Variants in SPOCK1 observed in about 807,000 individuals in gnomAD.
SPOCK1 encodes the protein SPARC (osteonectin), cwcv and kazal like domains proteoglycan 1.
Under a neutral mutation model 55.3 loss-of-function variants are expected in SPOCK1, and 23 were observed. That is an observed-to-expected ratio of 0.42 (90% CI 0.30 to 0.59). SPOCK1 has a LOEUF of 0.59. Ranked by LOEUF, SPOCK1 falls within the 20% of genes least tolerant of loss-of-function variation. The pLI, the probability that SPOCK1 is intolerant of heterozygous loss-of-function variation, is 0.22. For missense variants in SPOCK1, 499 were observed against 552.5 expected (o/e 0.90, Z 0.97); for synonymous variants, 226 against 221.0 (o/e 1.02, Z -0.20).
At chr5:136,984,399 A>AAATAATT (rs1750800398) in intron 9 of SPOCK1, among the ~76,000 whole-genome samples, 1 of 152,108 alleles carries the variant, frequency 6.6e-6, no homozygotes, top group Admixed American at 6.5e-5. Context: ...ATTCTGTATT[A>AAATAATT]CTGTGTTGCA....
chr5:137,230,723 A>G (rs918927157), intron 3 of SPOCK1, among the ~76,000 whole-genome samples: 12 of 152,168 alleles, frequency 7.9e-5, no homozygotes, highest in African/African-American at 2.9e-4. Flanking sequence ...ATCACATCAC[A>G]TCATATCTTT....
Position 137,164,456 on chromosome 5 carries a change from A to G in SPOCK1, c.233-23762T>C, listed in dbSNP as rs139681372. 5.9e-5 allele frequency among the ~76,000 whole-genome samples: 9 copies of G among 152,304 alleles called. No homozygotes were observed. In the East Asian group the frequency reaches 1.7e-3, roughly 29 times the overall value. ...ACCAGCAGTGATAGCCAGGTAGCTC[A>G]CTATGGGCCTTAGGTGAGGCTCTAA... On this transcript the variant is annotated intron_variant, in intron 3 of 10. Coordinates refer to ENST00000394945, the MANE Select transcript of SPOCK1 (RefSeq NM_004598.4).
chr5:137,226,811 G>A (rs1484064970), intron 3 of SPOCK1, among the ~76,000 whole-genome samples: 1 of 152,158 alleles, frequency 6.6e-6, no homozygotes, highest in African/African-American at 2.4e-5. Flanking sequence ...CGTGTGCCCT[G>A]TAGTATCTTA....
At chr5:137,170,695 C>T (rs1015842298) in intron 3 of SPOCK1, among the ~76,000 whole-genome samples, 2 of 152,228 alleles carry the variant, frequency 1.3e-5, no homozygotes, top group African/African-American at 4.8e-5. Flanking sequence ...AAGAGGCGCT[C>T]ACCAGGAGCT....
At chr5:137,059,856 A>C (rs1752363785) in intron 6 of SPOCK1, among the ~76,000 whole-genome samples, 1 of 152,220 alleles carries the variant, frequency 6.6e-6, no homozygotes, top group Non-Finnish European at 1.5e-5. Flanking sequence ...AAAATGCTCA[A>C]CATCACTAAT....
At chr5:137,299,944 G>A (rs6596371) in intron 2 of SPOCK1, among the ~76,000 whole-genome samples, 58,933 of 151,746 alleles carry the variant, frequency 0.39, 11,809 homozygotes, top group African/African-American at 0.47. Flanking sequence ...TAATGTTCTC[G>A]CCAGTTTTAG....
intron 5 of SPOCK1, among the ~76,000 whole-genome samples, chr5:137,096,302 G>GAA (rs11405639): frequency 1.4e-4 from 20 of 143,924 alleles, no homozygotes; most frequent in South Asian, 4.4e-4. Flanking sequence ...AGACAAAAAA[G>GAA]AAAAAAAAAA....
At chr5:137,193,894 C>T (rs1755239151) in intron 3 of SPOCK1, among the ~76,000 whole-genome samples, 1 of 152,104 alleles carries the variant, frequency 6.6e-6, no homozygotes, top group Non-Finnish European at 1.5e-5. Context: ...TAATTTATTT[C>T]CCCTTTAAGG....
At chr5:137,215,840 A>G (rs1438376078) in intron 3 of SPOCK1, among the ~76,000 whole-genome samples, 1 of 152,198 alleles carries the variant, frequency 6.6e-6, no homozygotes, top group East Asian at 1.9e-4. Context: ...TTCAGAGGTT[A>G]ATCCTCAGAT....
At chr5:137,404,822 A>G (rs1193661905) in intron 2 of SPOCK1, among the ~76,000 whole-genome samples, 2 of 152,158 alleles carry the variant, frequency 1.3e-5, no homozygotes, top group Non-Finnish European at 2.9e-5. Context: ...AATTAGTTTG[A>G]TGAATCACTG....
chr5:137,309,050 A>G (rs943479883), intron 2 of SPOCK1, among the ~76,000 whole-genome samples: 1 of 152,240 alleles, frequency 6.6e-6, no homozygotes, highest in Non-Finnish European at 1.5e-5. Flanking sequence ...TTTTCTAAAG[A>G]ATTTGATTAT....
At chr5:137,060,743 G>A (rs946642824) in intron 6 of SPOCK1, among the ~76,000 whole-genome samples, 3 of 152,042 alleles carry the variant, frequency 2.0e-5, no homozygotes, top group African/African-American at 2.4e-5. Flanking sequence ...GGTTCCGACC[G>A]CAGCTACCCT....
At chr5:137,483,583 A>G (rs987408137) in intron 2 of SPOCK1, among the ~76,000 whole-genome samples, 1 of 152,192 alleles carries the variant, frequency 6.6e-6, no homozygotes, top group African/African-American at 2.4e-5. Context: ...ACATTAAAAA[A>G]TAATTATAAA....
intron 6 of SPOCK1, among the ~76,000 whole-genome samples, chr5:137,059,458 T>C (rs1256646931): frequency 1.3e-5 from 2 of 152,200 alleles, no homozygotes; most frequent in Non-Finnish European, 2.9e-5. Flanking sequence ...GGATGATGGA[T>C]TAAAGACTTA....
At chr5:137,197,022 A>C (rs17777965) in intron 3 of SPOCK1, among the ~76,000 whole-genome samples, 60,174 of 152,090 alleles carry the variant, frequency 0.4, 13,074 homozygotes, top group Non-Finnish European at 0.48. Context: ...AGGTTGACCA[A>C]AGTCCCCTAT....
At chr5:137,034,377 C>G (rs932157011) in intron 6 of SPOCK1, among the ~76,000 whole-genome samples, 12 of 152,138 alleles carry the variant, frequency 7.9e-5, no homozygotes, top group African/African-American at 2.4e-4. Context: ...TCATGCAGCT[C>G]CTCATAATAC....
chr5:137,292,310 G>A (rs182925782), intron 2 of SPOCK1, among the ~76,000 whole-genome samples: 1 of 151,928 alleles, frequency 6.6e-6, no homozygotes, highest in East Asian at 1.9e-4. Flanking sequence ...CCCCTGAGGA[G>A]AGTTTCGAAT....
intron 3 of SPOCK1, among the ~76,000 whole-genome samples, chr5:137,161,710 C>T (rs1754562059): frequency 6.6e-6 from 1 of 152,012 alleles, no homozygotes; most frequent in Non-Finnish European, 1.5e-5. Flanking sequence ...TTGATAACAT[C>T]CTGGCTGCAC....
rs552194094 is a variant in SPOCK1, at chr5:137,338,395, C to A, written c.187-71340G>T. 4.0e-3 allele frequency among the ~76,000 whole-genome samples: 614 copies of A among 152,200 alleles called. 4 individuals are homozygous for A. The highest frequency in any genetic ancestry group is 0.014 in the African/African-American group (578 of 41,516). On this transcript the variant is annotated intron_variant, in intron 2 of 10. Transcript: ENST00000394945. ...AGTATTCCATGGTGTATATGTGCCACATTTTCTTAATCCAGTCTATCATTG... is the reference window on the plus strand; with the variant it reads ...AGTATTCCATGGTGTATATGTGCCAAATTTTCTTAATCCAGTCTATCATTG...
Sources: gnomAD v4.1 joint callset for allele counts (sites outside exome capture counted in the v4.1 genomes callset) on GRCh38, gnomAD v4.1.1 for gene constraint, MANE v1.5 for transcripts, NCBI Gene and HGNC (gene_info 2026-07-23, HGNC 2026-07-21) for gene names.